TDRD9: variants seen among roughly 807,000 people sequenced by gnomAD.
The protein encoded by TDRD9 is tudor domain containing 9, also known as ATP-dependent RNA helicase TDRD9.
A neutral mutation model predicts 172.6 loss-of-function variants in TDRD9; 124 were observed. That is an observed-to-expected ratio of 0.72 (90% CI 0.62 to 0.83). The LOEUF is 0.83. Ranked by LOEUF, TDRD9 falls within the 40% of genes least tolerant of loss-of-function variation. The probability of loss-of-function intolerance (pLI) is 0.00; values close to 1 mark genes in which losing one functional copy is unlikely to be tolerated. For missense variants in TDRD9, 1,479 were observed against 1,714.1 expected, an observed-to-expected ratio of 0.86 and a Z score of 2.42; for synonymous variants, 619 against 617.1, an observed-to-expected ratio of 1.00 and a Z score of -0.05.
chr14:103,942,606 T>C (rs1232078211), intron 1 of TDRD9, among the ~76,000 whole-genome samples: 2 of 152,222 alleles, frequency 1.3e-5, no homozygotes, highest in Admixed American at 1.3e-4. Flanking sequence ...TGTAGAGCTC[T>C]AAAAATAGCC....
chr14:104,048,178 T>TA (rs1429910447), intron 34 of TDRD9, among the ~76,000 whole-genome samples: 1 of 152,228 alleles, frequency 6.6e-6, no homozygotes, highest in East Asian at 1.9e-4. Flanking sequence ...TCTTAACCTG[T>TA]AAGTCCATCC....
intron 1 of TDRD9, among the ~76,000 whole-genome samples, chr14:103,952,307 C>A (rs1001686828): frequency 3.1e-5 from 4 of 128,412 alleles, no homozygotes; most frequent in African/African-American, 1.2e-4. Flanking sequence ...GTGGTGCGAT[C>A]TCAGCTCACT....
intron 2 of TDRD9, 21 bp from the exon 3 acceptor site, chr14:103,963,058 G>C (rs1284391529): frequency 1.4e-6 from 2 of 1,438,500 alleles, no homozygotes; most frequent in African/African-American, 2.8e-5. Context: ...CATTGTATTT[G>C]TTTGTTTTGC....
intron 7 of TDRD9, among the ~76,000 whole-genome samples, chr14:103,977,177 C>T (rs1025588454): frequency 2.6e-5 from 4 of 152,034 alleles, no homozygotes; most frequent in African/African-American, 9.7e-5. Context: ...TTTCAGCTCA[C>T]TTATTTGCCC....
At chr14:103,994,235 G>A in intron 9 of TDRD9, 97 bp from the exon 10 acceptor site, 1 of 1,020,358 alleles carries the variant, frequency 9.8e-7, no homozygotes, top group South Asian at 1.3e-5. Context: ...AATTGGTAGG[G>A]CCTTCTTTGA....
intron 29 of TDRD9, 148 bp from the exon 30 acceptor site, chr14:104,031,869 C>T (rs1282459467): frequency 1.3e-5 from 7 of 522,682 alleles, no homozygotes; most frequent in African/African-American, 5.9e-5. Context: ...TTCTTTAAGG[C>T]ACTTTTTCTT....
In TDRD9 at chr14:104,004,259, G is replaced by C. The variant is rs141852245; in HGVS notation, c.1505G>C (p.Arg502Thr). 6.3e-6 allele frequency: 10 copies of C among 1,599,334 alleles called. No homozygotes were observed. In the African/African-American group the frequency reaches 1.1e-4, roughly 17 times the overall value. Residue 502 changes from arginine to threonine, a missense_variant, in exon 14 of 36, where the codon AGA becomes ACA. Physicochemically the swap from Arg to Thr is moderately conservative, Grantham distance 71 (BLOSUM62 -1). Transcript: ENST00000409874. Reference sequence around the variant, plus strand: ...GAAGGCCGTGCTGGACGAGTGTCTAGAGGGTACTGTTACCGGCTGGTACAC... The same window carrying C: ...GAAGGCCGTGCTGGACGAGTGTCTACAGGGTACTGTTACCGGCTGGTACAC... The part of the protein sequence containing the change: ...QRKGRAGRVS[R>T]GYCYRLVHKD...
At chr14:103,958,814 A>C (rs1251687295) in intron 2 of TDRD9, among the ~76,000 whole-genome samples, 3 of 152,214 alleles carry the variant, frequency 2.0e-5, no homozygotes, top group Non-Finnish European at 4.4e-5. Context: ...TGCATGTTTT[A>C]AGCCACTAAG....
rs1596004041 is a variant in TDRD9, at chr14:104,026,772, T to C, written c.3115T>C (p.Ser1039Pro). 2 of 1,613,972 alleles carry C rather than the reference T, an allele frequency of 1.2e-6. No individual in the cohort carries two copies. Among genetic ancestry groups the C allele is most frequent in the Non-Finnish European group, 1.7e-6 (2 of 1,179,874 alleles). ...WSDGASQWFA[S>P]LVSGCTLLVK... ...TGACGGGGCCAGCCAGTGGTTCGCCTCTCTGGTGAGCGGCTGCACCCTCCT... is the reference window on the plus strand; with the variant it reads ...TGACGGGGCCAGCCAGTGGTTCGCCCCTCTGGTGAGCGGCTGCACCCTCCT... The change falls in exon 28 of 36, where the codon TCT becomes CCT. Residue 1039 changes from serine to proline, a missense_variant. Ser to Pro is a moderately conservative substitution (Grantham distance 74). Transcript: ENST00000409874.
chr14:104,019,633 A>G (rs1186428931), intron 23 of TDRD9, among the ~76,000 whole-genome samples: 1 of 152,220 alleles, frequency 6.6e-6, no homozygotes, highest in East Asian at 1.9e-4. Context: ...ACAGTGATTG[A>G]AAGAATAAGA....
At chr14:104,035,197 T>C in intron 32 of TDRD9, 141 bp downstream of exon 32, 1 of 624,954 alleles carries the variant, frequency 1.6e-6, no homozygotes, top group East Asian at 2.8e-5. Flanking sequence ...GGGTGAAGCC[T>C]GTATTGTTAT....
At chr14:103,990,348 T>C (rs76358946) in intron 8 of TDRD9, among the ~76,000 whole-genome samples, 3,358 of 152,338 alleles carry the variant, frequency 0.022, 66 homozygotes, top group East Asian at 0.047. Context: ...GTGACTGGTT[T>C]ACCCCTCACA....
At chr14:104,049,915 T>G in intron 35 of TDRD9, 1 of 490,310 alleles carries the variant, frequency 2.0e-6, no homozygotes, top group South Asian at 3.6e-5. Flanking sequence ...GATAACTCAC[T>G]GCCTGTGAGT....
chr14:103,938,408 GTGTGTGTATATA>G (rs1331895660), intron 1 of TDRD9, among the ~76,000 whole-genome samples: 38 of 73,320 alleles, frequency 5.2e-4, no homozygotes, highest in Admixed American at 6.7e-4. Flanking sequence ...GTGTGTGTGT[GTGTGTGTATATA>G]TATATATATA....
Position 103,997,109 on chromosome 14 carries a change from A to G in TDRD9, c.1378+1302A>G, listed in dbSNP as rs2034085499. Among the ~76,000 whole-genome samples, 1 of 152,242 alleles carries G rather than the reference A, an allele frequency of 6.6e-6. No individual in the cohort carries two copies. Among genetic ancestry groups the G allele is most frequent in the Non-Finnish European group, 1.5e-5 (1 of 68,044 alleles). ...TGGTACAACCTTGCTGTGCTGGGCA[A>G]GATGGAAAATCGTTGGTAGGTTTTG... On this transcript the variant is annotated intron_variant, in intron 12 of 35. Coordinates refer to ENST00000409874, the MANE Select transcript of TDRD9 (RefSeq NM_153046.3). This position sits in a 1 kb window ranked among gnomAD's most constrained non-coding sequence, Gnocchi z 5.1.
chr14:104,031,468 GT>G (rs55696833), intron 29 of TDRD9, among the ~76,000 whole-genome samples: 6,615 of 105,064 alleles, frequency 0.063, 227 homozygotes, highest in Middle Eastern at 0.11. Context: ...GCTTTGACTA[GT>G]TTTTTTTTTT....
chr14:103,931,126 C>A (rs2152112650), intron 1 of TDRD9, among the ~76,000 whole-genome samples: 1 of 151,060 alleles, frequency 6.6e-6, no homozygotes, highest in South Asian at 2.1e-4. Flanking sequence ...GAAACCCTGT[C>A]TCTACCAAAA....
At chr14:103,967,873 A>G (rs981962679) in intron 5 of TDRD9, among the ~76,000 whole-genome samples, 5 of 152,248 alleles carry the variant, frequency 3.3e-5, no homozygotes, top group African/African-American at 1.2e-4. Flanking sequence ...AGATGGCATT[A>G]TGAAGGTTGT....
In TDRD9 at chr14:104,008,717, T is replaced by C. The variant is rs530752837; in HGVS notation, c.2106+251T>C. On this transcript the variant is annotated intron_variant, in intron 20 of 35. Transcript: ENST00000409874. ...CCCCTATGTATACTTTAATGAGGAA[T>C]GGTTGTGTCATCTTGTTGTATGTCT... Among the ~76,000 whole-genome samples the C allele has an allele frequency of 3.5e-4, 53 of 152,294 alleles. 2 individuals carry two copies. The highest frequency in any genetic ancestry group is 1.2e-3 in the African/African-American group (49 of 41,552).
Sources: gnomAD v4.1 joint callset for allele counts (sites outside exome capture counted in the v4.1 genomes callset) on GRCh38, gnomAD v4.1.1 for gene constraint, Gnocchi (gnomAD v3.1) non-coding constraint, MANE v1.5 for transcripts, NCBI Gene and HGNC (gene_info 2026-07-23, HGNC 2026-07-21) for gene names.